IRAK1BP1: variants seen among roughly 807,000 people sequenced by gnomAD.
The protein encoded by IRAK1BP1 is interleukin 1 receptor associated kinase 1 binding protein 1.
In IRAK1BP1, 24 loss-of-function variants were observed where a neutral mutation model predicts 28.0. The observed-to-expected ratio is 0.86, with a 90% CI of 0.62 to 1.20. The LOEUF (loss-of-function observed/expected upper bound fraction) is 1.20, where lower values mean the gene tolerates loss of function less well. Among genes scored for constraint, IRAK1BP1 ranks in the 50% most tolerant of loss-of-function variants. IRAK1BP1 has a pLI of 0.00. For synonymous variants in IRAK1BP1, 131 were observed against 116.3 expected, an observed-to-expected ratio of 1.13 and a Z score of -0.81; for missense variants, 336 against 316.7, an observed-to-expected ratio of 1.06 and a Z score of -0.46.
intron 2 of IRAK1BP1, among the ~76,000 whole-genome samples, chr6:78,891,240 A>G (rs1397969675): frequency 6.6e-6 from 1 of 152,182 alleles, no homozygotes; most frequent in East Asian, 1.9e-4. Context: ...AAGAAATGCA[A>G]TCATAGTACA....
the IRAK1BP1 span, chr6:78,954,946 T>C: frequency 3.4e-5 from 53 of 1,562,932 alleles, no homozygotes; most frequent in Non-Finnish European, 4.6e-5. Context: ...TACGTAATCT[T>C]CTTCTAGGCT....
At chr6:78,966,236 A>C in the IRAK1BP1 span, among the ~76,000 whole-genome samples, 212 of 152,372 alleles carry the variant, frequency 1.4e-3, no homozygotes, top group Admixed American at 2.5e-3. Context: ...AAAGGAATTT[A>C]GTAAGCATAC....
In IRAK1BP1 at chr6:78,941,233, T is replaced by C. The variant is rs766102589; in HGVS notation, c.*68-4175T>C. The C allele has an allele frequency of 3.1e-6, 5 of 1,613,844 alleles. No homozygotes were observed. In the Admixed American group the frequency reaches 8.3e-5, roughly 27 times the overall value. ...TATTGGTATTAACTTCTACTTTAGG[T>C]TTCCTTCCAGGTCCCCTCTTCACAA... is the stretch of plus-strand genomic sequence containing the variant. On this transcript the variant is annotated intron_variant and NMD_transcript_variant, in intron 4 of 4. Coordinates refer to the IRAK1BP1 transcript ENST00000606868.
At chr6:78,886,334 A>G (rs552441799) in intron 2 of IRAK1BP1, among the ~76,000 whole-genome samples, 1 of 152,244 alleles carries the variant, frequency 6.6e-6, no homozygotes, top group East Asian at 1.9e-4. Flanking sequence ...AACTTCCACA[A>G]TATTCTGTTT....
intron 4 of IRAK1BP1, among the ~76,000 whole-genome samples, chr6:78,923,184 A>G (rs1562099427): frequency 6.6e-6 from 1 of 152,100 alleles, no homozygotes; most frequent in Non-Finnish European, 1.5e-5. Context: ...AACCCATCTC[A>G]TGTGCAGAGA....
chr6:78,945,895 A>G, exon 5 of IRAK1BP1: 2 of 778,676 alleles, frequency 2.6e-6, no homozygotes, highest in Non-Finnish European at 2.1e-6. Flanking sequence ...CAAAAACAAC[A>G]GTGTCTGCTA....
At chr6:78,940,644 T>C (rs1773455511) in intron 4 of IRAK1BP1, 1 of 1,264,252 alleles carries the variant, frequency 7.9e-7, no homozygotes, top group East Asian at 2.8e-5. Context: ...TACTTATTCC[T>C]TAACTGTACC....
At chr6:78,947,935 C>T (rs181033740), downstream of IRAK1BP1, among the ~76,000 whole-genome samples, 209 of 144,184 alleles carry the variant, frequency 1.4e-3, no homozygotes, top group African/African-American at 4.9e-3. Context: ...TCTAATAATT[C>T]TTATTTATTT....
intron 4 of IRAK1BP1, among the ~76,000 whole-genome samples, chr6:78,910,509 A>AT (rs1253521532): frequency 1.3e-5 from 2 of 152,276 alleles, no homozygotes; most frequent in Non-Finnish European, 2.9e-5. Flanking sequence ...TAGAAACAAT[A>AT]GTTACTGTTT....
At chr6:78,966,202 T>C in the IRAK1BP1 span, 1 of 586,576 alleles carries the variant, frequency 1.7e-6, no homozygotes, top group South Asian at 2.2e-5. Flanking sequence ...AATAAGTAAG[T>C]ACAATCAGCA....
the IRAK1BP1 span, among the ~76,000 whole-genome samples, chr6:78,972,615 A>C: frequency 6.6e-6 from 1 of 152,172 alleles, no homozygotes; most frequent in Non-Finnish European, 1.5e-5. Context: ...AAGGCAAAGA[A>C]GTTGAAAACT....
At chr6:78,880,836 T>C (rs548364588) in intron 1 of IRAK1BP1, among the ~76,000 whole-genome samples, 2 of 152,314 alleles carry the variant, frequency 1.3e-5, no homozygotes, top group East Asian at 1.9e-4. Flanking sequence ...AATACTGCTA[T>C]GTACCTATTA....
chr6:78,954,803 A>G, the IRAK1BP1 span: 3 of 1,558,062 alleles, frequency 1.9e-6, no homozygotes, highest in South Asian at 1.2e-5. Flanking sequence ...AATATTTTCA[A>G]AAATACTTAC....
At chr6:78,930,120 G>A (rs2127669730) in intron 4 of IRAK1BP1, among the ~76,000 whole-genome samples, 1 of 152,028 alleles carries the variant, frequency 6.6e-6, no homozygotes, top group South Asian at 2.1e-4. Flanking sequence ...TAGAGACAGG[G>A]TTTCACCATA....
At chr6:78,945,978 T>G (rs1773790041) in exon 5 of IRAK1BP1, 4 of 1,555,806 alleles carry the variant, frequency 2.6e-6, no homozygotes, top group Non-Finnish European at 3.5e-6. Context: ...CATATACATT[T>G]CAATTTAGAA....
the IRAK1BP1 span, chr6:78,954,997 G>A: frequency 3.8e-5 from 55 of 1,445,852 alleles, no homozygotes; most frequent in Admixed American, 5.0e-5. Context: ...ATTAATAAAA[G>A]AGCACTTACA....
At chr6:78,946,328 A>C (rs1390036868) in exon 5 of IRAK1BP1, 1 of 1,468,000 alleles carries the variant, frequency 6.8e-7, no homozygotes, top group Non-Finnish European at 9.2e-7. Context: ...AGTTTATAAT[A>C]TTTTTGGATT....
At position 78,922,019 on chromosome 6, in the gene IRAK1BP1, A is replaced by G. The variant is rs139394819; in HGVS notation, c.*67+18909A>G. Among the ~76,000 whole-genome samples, 36 of 152,358 alleles carry G rather than the reference A, an allele frequency of 2.4e-4. No individual in the cohort carries two copies. In the East Asian group the frequency reaches 4.2e-3, roughly 18 times the overall value. Reference sequence around the variant, plus strand: ...GAAAATTCTAAAAATCAGAGAGGCTATCCTCCTCCAAAGGAACACAGCTCT... The same window carrying G: ...GAAAATTCTAAAAATCAGAGAGGCTGTCCTCCTCCAAAGGAACACAGCTCT... On this transcript the variant is annotated intron_variant and NMD_transcript_variant, in intron 4 of 4. Transcript: ENST00000606868.
chr6:78,969,846 C>T, the IRAK1BP1 span: 21 of 1,550,288 alleles, frequency 1.4e-5, no homozygotes, highest in South Asian at 1.6e-4. Context: ...TATATTCCAT[C>T]GCCTGTATTT....
Sources: allele counts gnomAD v4.1 joint callset (sites outside exome capture counted in the v4.1 genomes callset), GRCh38; gene constraint gnomAD v4.1.1; transcripts MANE v1.5; gene names NCBI Gene and HGNC (gene_info 2026-07-23, HGNC 2026-07-21).